Variants in TBC1D9 observed in about 807,000 individuals in gnomAD.
TBC1D9 encodes the protein TBC1 domain family member 9A.
Under a neutral mutation model 132.0 loss-of-function variants are expected in TBC1D9, and 63 were observed. The observed-to-expected ratio is 0.48, with a 90% CI of 0.39 to 0.59. The LOEUF is 0.59. TBC1D9 is among the 20% of genes least tolerant of loss of function. The pLI is 0.00. For synonymous variants in TBC1D9, 610 were observed against 609.9 expected (o/e 1.00, Z 0.00); for missense variants, 1,261 against 1,592.7 (o/e 0.79, Z 3.54).
chr4:140,716,707 A>G (rs1738339050), intron 1 of TBC1D9, among the ~76,000 whole-genome samples: 1 of 152,170 alleles, frequency 6.6e-6, no homozygotes, highest in South Asian at 2.1e-4. Context: ...ACTGATGAGC[A>G]AAAACACAAG....
At chr4:140,632,766 C>T (rs966483301) in intron 16 of TBC1D9, among the ~76,000 whole-genome samples, 1 of 152,124 alleles carries the variant, frequency 6.6e-6, no homozygotes, top group African/African-American at 2.4e-5. Context: ...TACTTGCATG[C>T]CCTTAGACAA....
In TBC1D9 at chr4:140,700,151, T is replaced by TA. The variant is rs538972978; in HGVS notation, c.241+1352dup. On this transcript the variant is annotated intron_variant, in intron 2 of 20. Transcript: ENST00000442267. ...ATCTCTACAAAAAAAGAAATTATAT[T>TA]AAAAAAAAAAATAAAAGTCCAGGCG... Among the ~76,000 whole-genome samples the TA allele has an allele frequency of 9.2e-3, 1,343 of 145,760 alleles. 12 individuals carry two copies. Among genetic ancestry groups the TA allele is most frequent in the African/African-American group, 0.03 (1,211 of 39,848 alleles).
intron 13 of TBC1D9, among the ~76,000 whole-genome samples, chr4:140,651,330 G>C (rs1460754350): frequency 6.6e-6 from 1 of 152,094 alleles, no homozygotes; most frequent in Non-Finnish European, 1.5e-5. Flanking sequence ...AGGTGTAGTG[G>C]TGCACACCTG....
intron 2 of TBC1D9, among the ~76,000 whole-genome samples, chr4:140,700,632 C>A (rs1449893629): frequency 1.3e-5 from 2 of 151,772 alleles, no homozygotes; most frequent in Non-Finnish European, 2.9e-5. Context: ...ACCAGCCTGG[C>A]CAACATGGTG....
chr4:140,742,256 G>A (rs968045380), intron 1 of TBC1D9, among the ~76,000 whole-genome samples: 2 of 151,978 alleles, frequency 1.3e-5, no homozygotes, highest in Non-Finnish European at 2.9e-5. Flanking sequence ...ATGACTCGCC[G>A]GGCACAGTGG....
At chr4:140,689,347 C>G (rs1324016592) in intron 2 of TBC1D9, among the ~76,000 whole-genome samples, 1 of 151,992 alleles carries the variant, frequency 6.6e-6, no homozygotes, top group Non-Finnish European at 1.5e-5. Flanking sequence ...GCCATAAGAC[C>G]TATCAGCTTT....
intron 1 of TBC1D9, among the ~76,000 whole-genome samples, chr4:140,741,800 A>T (rs1182037104): frequency 6.6e-6 from 1 of 152,108 alleles, no homozygotes; most frequent in African/African-American, 2.4e-5. Flanking sequence ...ACATAATAAA[A>T]ATCTTGATCT....
At chr4:140,655,005 C>A (rs1338492471) in intron 13 of TBC1D9, among the ~76,000 whole-genome samples, 2 of 151,852 alleles carry the variant, frequency 1.3e-5, no homozygotes, top group African/African-American at 4.8e-5. Context: ...CTCATTAAAG[C>A]AGAATACAAT....
At chr4:140,696,557 A>T (rs1737962597) in intron 2 of TBC1D9, among the ~76,000 whole-genome samples, 1 of 151,700 alleles carries the variant, frequency 6.6e-6, no homozygotes, top group South Asian at 2.1e-4. Context: ...TATATGATTC[A>T]TATTGCCGAG....
At chr4:140,686,129 GA>G (rs1230383093) in intron 3 of TBC1D9, among the ~76,000 whole-genome samples, 1 of 151,074 alleles carries the variant, frequency 6.6e-6, no homozygotes. Flanking sequence ...ATCAATAAAA[GA>G]AAAAAAAGGA....
chr4:140,670,949 GA>G, intron 6 of TBC1D9, 23 bp from the exon 7 acceptor site: 1 of 1,608,728 alleles, frequency 6.2e-7, no homozygotes, highest in Non-Finnish European at 8.5e-7. Context: ...GGGAAACAAA[GA>G]GCATTATTTT....
At chr4:140,740,616 T>C (rs1270705621) in intron 1 of TBC1D9, among the ~76,000 whole-genome samples, 1 of 152,216 alleles carries the variant, frequency 6.6e-6, no homozygotes, top group Non-Finnish European at 1.5e-5. Context: ...ACCTTCCCCT[T>C]TTCCCACATG....
At chr4:140,698,863 C>T (rs1446839845) in intron 2 of TBC1D9, among the ~76,000 whole-genome samples, 1 of 152,208 alleles carries the variant, frequency 6.6e-6, no homozygotes, top group Non-Finnish European at 1.5e-5. Context: ...ATAACCTCCT[C>T]TAATTCTGCA....
At chr4:140,653,669 T>C (rs961956998) in intron 13 of TBC1D9, among the ~76,000 whole-genome samples, 11 of 152,172 alleles carry the variant, frequency 7.2e-5, no homozygotes, top group Non-Finnish European at 1.0e-4. Flanking sequence ...GGTGTTCTCT[T>C]TAAGTTGATC....
At position 140,634,169 on chromosome 4, in the gene TBC1D9, C is replaced by A. The variant is rs765092887; in HGVS notation, c.2525G>T (p.Cys842Phe). The change falls in exon 16 of 21, where the codon TGC becomes TTC. Residue 842 changes from cysteine (C) to phenylalanine (F), a missense_variant. This residue lies in a region of TBC1D9 where 618 missense variants were observed against 724.4 expected (regional missense o/e 0.85). Coordinates refer to ENST00000442267, the MANE Select transcript of TBC1D9 (RefSeq NM_015130.3). ...CGCGTTGCTGCTCCCGCCCCAGTAG[C>A]AGCTGGTGAGATGTTCTGCCTGAAA... ...ALFKAEHLTS[C>F]YWGGSSNALD... 1 of 1,613,406 alleles carries A rather than the reference C, an allele frequency of 6.2e-7. No homozygotes were observed. The highest frequency in any genetic ancestry group is 1.7e-5 in the Admixed American group (1 of 60,022).
intron 13 of TBC1D9, chr4:140,644,431 G>A: frequency 3.4e-6 from 1 of 296,642 alleles, no homozygotes. Flanking sequence ...GCGGCCATGG[G>A]GGACGCGCGG....
intron 9 of TBC1D9, among the ~76,000 whole-genome samples, chr4:140,663,282 G>A (rs1737394372): frequency 6.6e-6 from 1 of 152,172 alleles, no homozygotes. Flanking sequence ...ACCAACAGGT[G>A]TATTTAAAGG....
At chr4:140,640,341 G>A (rs1736965121) in intron 13 of TBC1D9, among the ~76,000 whole-genome samples, 1 of 151,342 alleles carries the variant, frequency 6.6e-6, no homozygotes, top group South Asian at 2.1e-4. Flanking sequence ...GTGGGGAAGA[G>A]GGAACAGTCA....
chr4:140,657,279 T>C, intron 12 of TBC1D9, 53 bp from the exon 13 acceptor site: 1 of 1,579,848 alleles, frequency 6.3e-7, no homozygotes. Flanking sequence ...AATCCTCCCA[T>C]TATAATTCTC....
Sources: allele counts gnomAD v4.1 joint callset (sites outside exome capture counted in the v4.1 genomes callset), GRCh38; gene constraint gnomAD v4.1.1; regional missense constraint gnomAD v4.1.1; transcripts MANE v1.5; gene names NCBI Gene and HGNC (gene_info 2026-07-23, HGNC 2026-07-21).